The following IQSEC3 variants were observed in gnomAD, a reference collection of about 807,000 sequenced individuals.
IQSEC3 encodes IQ motif and SEC7 domain-containing protein 3.
In IQSEC3, 50 loss-of-function variants were observed where a neutral mutation model predicts 105.4. That is an observed-to-expected ratio of 0.47 (90% confidence interval 0.38 to 0.60). The LOEUF is 0.60. Ranked by LOEUF, IQSEC3 falls within the 20% of genes least tolerant of loss-of-function variation. The pLI, the probability that IQSEC3 is intolerant of heterozygous loss-of-function variation, is 0.00. For missense variants in IQSEC3, 1,415 were observed against 1,630.0 expected, an observed-to-expected ratio of 0.87 and a Z score of 2.27; for synonymous variants, 708 against 746.0, an observed-to-expected ratio of 0.95 and a Z score of 0.83.
In IQSEC3 at chr12:101,675, G is replaced by A. The variant is rs117521657; in HGVS notation, c.623+2461G>A. On this transcript the variant is annotated intron_variant, in intron 2 of 13. Coordinates refer to ENST00000538872, the MANE Select transcript of IQSEC3 (RefSeq NM_001170738.2). ...TCCAAGTTGTCCTGTCTATCTGTCT[G>A]ATTTGTAGTTTCCTAGAGCCTGTTT... Among the ~76,000 whole-genome samples the A allele has an allele frequency of 7.1e-3, 1,076 of 152,252 alleles. 5 individuals are homozygous for A. Among genetic ancestry groups the A allele is most frequent in the Non-Finnish European group, 0.012 (790 of 67,998 alleles).
chr12:111,172 A>G (rs1291774007), intron 2 of IQSEC3, among the ~76,000 whole-genome samples: 1 of 152,052 alleles, frequency 6.6e-6, no homozygotes, highest in Non-Finnish European at 1.5e-5. Flanking sequence ...GGGTTAATTC[A>G]CTAATCCAAC....
In IQSEC3 at chr12:138,575, G is replaced by A. The variant is rs1297629149; in HGVS notation, c.1212G>A (p.Glu404=). Residue 404 remains glutamate, a synonymous_variant, in exon 4 of 14, where the codon GAG becomes GAA. Transcript: ENST00000538872. This position sits in a 1 kb window ranked among gnomAD's most constrained non-coding sequence, Gnocchi z 7.1. ...TLTELEDSFT[E]QVQSLAKSID... ...CCGAGCTGGAGGACTCCTTCACCGA[G>A]CAGGTGCAATCCCTGGCCAAGTCCA... 8.8e-6 allele frequency: 14 copies of A among 1,587,858 alleles called. No individual in the cohort carries two copies. The highest frequency in any genetic ancestry group is 1.3e-5 in the African/African-American group (1 of 74,470).
chr12:140,840 G>A, intron 4 of IQSEC3: 1 of 386,414 alleles, frequency 2.6e-6, no homozygotes, highest in Non-Finnish European at 4.6e-6. Flanking sequence ...AGGGGGAAGG[G>A]CAGGACTGGG....
intron 7 of IQSEC3, among the ~76,000 whole-genome samples, chr12:158,842 A>G (rs2137043208): frequency 6.6e-6 from 1 of 152,252 alleles, no homozygotes; most frequent in South Asian, 2.1e-4. Flanking sequence ...TATTTTTAGA[A>G]CAGATGAGGT....
chr12:87,656 A>G (rs1312431907), intron 1 of IQSEC3, among the ~76,000 whole-genome samples: 1 of 152,112 alleles, frequency 6.6e-6, no homozygotes, highest in African/African-American at 2.4e-5. Flanking sequence ...GGGAATAATC[A>G]TGGTTTTAGG....
At chr12:74,789 C>T (rs535952122) in intron 1 of IQSEC3, among the ~76,000 whole-genome samples, 8 of 152,374 alleles carry the variant, frequency 5.3e-5, no homozygotes, top group African/African-American at 1.9e-4. Context: ...TTTAAGGTAA[C>T]CTGTTCAAGA....
rs782320426 is a variant in IQSEC3, at chr12:138,449, G to C, written c.1086G>C (p.Glu362Asp). 1.9e-5 allele frequency: 30 copies of C among 1,603,910 alleles called. No homozygotes were observed. In the Admixed American group the frequency reaches 5.0e-4, roughly 27 times the overall value. The change falls in exon 4 of 14, where the codon GAG (glutamate) becomes GAC (aspartate). Residue 362 changes from glutamate (E) to aspartate (D), a missense_variant. Physicochemically the swap from Glu to Asp is conservative, Grantham distance 45. This residue lies in a region of IQSEC3 where 720 missense variants were observed against 633.0 expected (regional missense o/e 1.14). Transcript: ENST00000538872. The surrounding 1 kb of genome is among the most constrained non-coding windows in gnomAD (Gnocchi z 7.1). ...SLRKVRSPTA[E>D]SLAAEKALME... ...GCAAGGTGCGGTCACCCACGGCCGAGAGCCTGGCGGCCGAGAAAGCGCTCA... is the reference window on the plus strand; with the variant it reads ...GCAAGGTGCGGTCACCCACGGCCGACAGCCTGGCGGCCGAGAAAGCGCTCA...
At chr12:104,029 C>A (rs1555077205) in intron 2 of IQSEC3, among the ~76,000 whole-genome samples, 1 of 151,952 alleles carries the variant, frequency 6.6e-6, no homozygotes, top group Non-Finnish European at 1.5e-5. Context: ...CACTGCTGGT[C>A]CTTGCTTCTT....
At chr12:106,928 G>A (rs1342678584) in intron 2 of IQSEC3, 5 of 152,140 alleles carry the variant, frequency 3.3e-5, no homozygotes, top group Admixed American at 6.5e-5. Flanking sequence ...AACCAAAAAC[G>A]AAGAAATAAT....
intron 1 of IQSEC3, among the ~76,000 whole-genome samples, chr12:85,539 A>G (rs1403690377): frequency 6.6e-6 from 1 of 152,202 alleles, no homozygotes; most frequent in African/African-American, 2.4e-5. Flanking sequence ...TGACAGTGCC[A>G]CCCTGCTGGG....
At chr12:134,966 A>C (rs1459161332) in intron 3 of IQSEC3, among the ~76,000 whole-genome samples, 1 of 152,060 alleles carries the variant, frequency 6.6e-6, no homozygotes. Flanking sequence ...GTCTCTACTT[A>C]AAAAAATACA....
intron 1 of IQSEC3, among the ~76,000 whole-genome samples, chr12:75,281 G>A (rs1863473218): frequency 6.6e-6 from 1 of 152,264 alleles, no homozygotes; most frequent in East Asian, 1.9e-4. Flanking sequence ...CTAAGGAGCT[G>A]AAGGGCTCAT....
intron 6 of IQSEC3, 36 bp from the exon 7 acceptor site, chr12:157,492 G>GGGCCCCCCC: frequency 7.2e-7 from 1 of 1,389,460 alleles, no homozygotes; most frequent in Non-Finnish European, 9.8e-7. Flanking sequence ...GGTGGGCGGG[G>GGGCCCCCCC]GCTCAGCGTC....
chr12:115,408 G>A (rs896378042), intron 2 of IQSEC3, among the ~76,000 whole-genome samples: 9 of 152,194 alleles, frequency 5.9e-5, no homozygotes, highest in Non-Finnish European at 1.0e-4. Context: ...ACCCAGGCAT[G>A]GCCTCATGCC....
At chr12:125,582 G>A (rs1396040244) in intron 2 of IQSEC3, 51 bp from the exon 3 acceptor site, 11 of 1,442,492 alleles carry the variant, frequency 7.6e-6, no homozygotes, top group South Asian at 6.0e-5. Context: ...ACATCCACAC[G>A]CACCCTGTCG....
chr12:116,749 C>T (rs1261339574), intron 2 of IQSEC3, among the ~76,000 whole-genome samples: 3 of 151,890 alleles, frequency 2.0e-5, no homozygotes, highest in Non-Finnish European at 4.4e-5. Flanking sequence ...GAGGCTCCCA[C>T]GAGGCTCCTG....
intron 2 of IQSEC3, among the ~76,000 whole-genome samples, chr12:123,900 G>A (rs1367228084): frequency 6.6e-6 from 1 of 152,118 alleles, no homozygotes; most frequent in African/African-American, 2.4e-5. Flanking sequence ...ATGACCTTGA[G>A]GTCCCTTCCA....
At chr12:120,257 C>T (rs1332560003) in intron 2 of IQSEC3, among the ~76,000 whole-genome samples, 2 of 152,058 alleles carry the variant, frequency 1.3e-5, no homozygotes, top group Non-Finnish European at 1.5e-5. Flanking sequence ...AAAGAGGTGA[C>T]GATGCAGAGA....
chr12:117,115 G>A (rs1028918845), intron 2 of IQSEC3, among the ~76,000 whole-genome samples: 3 of 152,160 alleles, frequency 2.0e-5, no homozygotes, highest in Non-Finnish European at 4.4e-5. Flanking sequence ...GCCAGGGCAG[G>A]ATGAAGAGGC....
Sources: gnomAD v4.1 joint callset for allele counts (sites outside exome capture counted in the v4.1 genomes callset) on GRCh38, gnomAD v4.1.1 for gene constraint, gnomAD v4.1.1 regional missense constraint, Gnocchi (gnomAD v3.1) non-coding constraint, MANE v1.5 for transcripts, NCBI Gene and HGNC (gene_info 2026-07-23, HGNC 2026-07-21) for gene names.